Variants in LSAMP observed in about 807,000 individuals in gnomAD.
LSAMP encodes the protein limbic system associated membrane protein.
Under a neutral mutation model 38.6 loss-of-function variants are expected in LSAMP, and 7 were observed. That is an observed-to-expected ratio of 0.18 (90% confidence interval 0.10 to 0.34). The LOEUF (loss-of-function observed/expected upper bound fraction) is 0.34, where lower values mean the gene tolerates loss of function less well. Among genes scored for constraint, LSAMP ranks in the 10% least tolerant of loss-of-function variants. The probability of loss-of-function intolerance (pLI) is 1.00; values close to 1 mark genes in which losing one functional copy is unlikely to be tolerated. For synonymous variants in LSAMP, 154 were observed against 166.8 expected (o/e 0.92, Z 0.59); for missense variants, 313 against 420.0 (o/e 0.75, Z 2.23).
At chr3:116,148,985 G>A (rs1049954734) in intron 1 of LSAMP, among the ~76,000 whole-genome samples, 2 of 152,028 alleles carry the variant, frequency 1.3e-5, no homozygotes, top group African/African-American at 4.8e-5. Context: ...CTGGGGCACA[G>A]CCACAGAGCA....
chr3:116,280,727 T>C (rs893194308), intron 1 of LSAMP, among the ~76,000 whole-genome samples: 1 of 152,216 alleles, frequency 6.6e-6, no homozygotes, highest in Non-Finnish European at 1.5e-5. Flanking sequence ...GGCTTCTCCT[T>C]CTTTCCAACA....
At chr3:116,086,160 T>C (rs1242281330) in intron 2 of LSAMP, among the ~76,000 whole-genome samples, 164 bp downstream of exon 2, 1 of 152,200 alleles carries the variant, frequency 6.6e-6, no homozygotes, top group Non-Finnish European at 1.5e-5. Context: ...TTGTTTTGGG[T>C]CCTCTCATTT....
At chr3:116,415,958 A>C (rs1291474659) in intron 1 of LSAMP, among the ~76,000 whole-genome samples, 2 of 152,184 alleles carry the variant, frequency 1.3e-5, no homozygotes, top group Non-Finnish European at 2.9e-5. Context: ...TGTTTATTCC[A>C]ACTCAAACAT....
intron 4 of LSAMP, among the ~76,000 whole-genome samples, 189 bp from the exon 5 acceptor site, chr3:115,842,767 G>A (rs1429941752): frequency 2.0e-5 from 3 of 152,168 alleles, no homozygotes; most frequent in African/African-American, 7.2e-5. Context: ...AAAAATAAGA[G>A]ATAATTAATG....
At chr3:115,932,106 A>C (rs1157648220) in intron 3 of LSAMP, among the ~76,000 whole-genome samples, 1 of 152,260 alleles carries the variant, frequency 6.6e-6, no homozygotes, top group Non-Finnish European at 1.5e-5. Flanking sequence ...GGAGTACAAA[A>C]AAATGCTTTG....
chr3:116,256,232 G>T (rs1050459694), intron 1 of LSAMP, among the ~76,000 whole-genome samples: 1 of 152,148 alleles, frequency 6.6e-6, no homozygotes, highest in African/African-American at 2.4e-5. Flanking sequence ...TTCCTGACAC[G>T]TTATAAAACA....
chr3:116,028,592 G>A (rs554317660), intron 2 of LSAMP, among the ~76,000 whole-genome samples: 1 of 152,156 alleles, frequency 6.6e-6, no homozygotes, highest in South Asian at 2.1e-4. Flanking sequence ...TTGACATTAG[G>A]GTCAAATAAG....
chr3:116,350,955 A>G (rs1331018303), intron 1 of LSAMP, among the ~76,000 whole-genome samples: 2 of 152,052 alleles, frequency 1.3e-5, no homozygotes, highest in African/African-American at 2.4e-5. Flanking sequence ...GGTATCATCC[A>G]TGGTTTCAGG....
At chr3:115,918,654 T>A (rs1334724730) in intron 3 of LSAMP, among the ~76,000 whole-genome samples, 2 of 151,222 alleles carry the variant, frequency 1.3e-5, no homozygotes, top group Non-Finnish European at 2.9e-5. Context: ...TTGCTCAGAG[T>A]AAATCCCTCG....
chr3:116,083,206 A>T (rs1311694984), intron 2 of LSAMP, among the ~76,000 whole-genome samples: 1 of 152,142 alleles, frequency 6.6e-6, no homozygotes, highest in Non-Finnish European at 1.5e-5. Context: ...ACCTTAGGAC[A>T]GGAGTGAGTT....
chr3:116,265,295 C>T (rs913818309), intron 1 of LSAMP, among the ~76,000 whole-genome samples: 4 of 152,134 alleles, frequency 2.6e-5, no homozygotes, highest in African/African-American at 9.7e-5. Context: ...TAATTGGGAG[C>T]TTGGCGCTTG....
intron 1 of LSAMP, among the ~76,000 whole-genome samples, chr3:116,265,769 G>T (rs1289067404): frequency 2.6e-5 from 4 of 152,094 alleles, no homozygotes; most frequent in African/African-American, 4.8e-5. Context: ...GAAATATCAA[G>T]ATCCCATTAG....
At chr3:116,048,494 G>T (rs1483087594) in intron 2 of LSAMP, among the ~76,000 whole-genome samples, 2 of 152,176 alleles carry the variant, frequency 1.3e-5, no homozygotes, top group Admixed American at 1.3e-4. Context: ...GTGTGACTTA[G>T]CTATGGACTA....
At chr3:116,124,968 G>A (rs1431501233) in intron 1 of LSAMP, among the ~76,000 whole-genome samples, 1 of 152,158 alleles carries the variant, frequency 6.6e-6, no homozygotes, top group East Asian at 1.9e-4. Flanking sequence ...GTGTTTGGAA[G>A]AATGTCGAGA....
At chr3:115,847,747 T>C (rs1003180294) in intron 4 of LSAMP, among the ~76,000 whole-genome samples, 8 of 152,212 alleles carry the variant, frequency 5.3e-5, no homozygotes, top group Non-Finnish European at 1.5e-5. Flanking sequence ...CTTTCTACCA[T>C]GATTGTAAGT....
intron 1 of LSAMP, among the ~76,000 whole-genome samples, chr3:116,395,144 C>T (rs950520602): frequency 6.6e-6 from 1 of 152,142 alleles, no homozygotes; most frequent in African/African-American, 2.4e-5. Flanking sequence ...GTGACCTGTA[C>T]ATTCATTTCT....
At chr3:116,276,878 C>A (rs1310410716) in intron 1 of LSAMP, among the ~76,000 whole-genome samples, 1 of 152,080 alleles carries the variant, frequency 6.6e-6, no homozygotes, top group Admixed American at 6.6e-5. Context: ...ACTGAATGGA[C>A]CAATTAACAA....
chr3:116,106,320 T>C (rs1333029903), intron 1 of LSAMP, among the ~76,000 whole-genome samples: 3 of 152,124 alleles, frequency 2.0e-5, no homozygotes, highest in South Asian at 2.1e-4. Flanking sequence ...TAGTTGAGAA[T>C]GGTGAATAGG....
rs78789452 is a variant in LSAMP at position 115,808,175 on chromosome 3, GCCTTCCTTCCTT to G, written c.*2130_*2141del. On this transcript the variant is annotated 3_prime_UTR_variant, in exon 7 of 7. Transcript: ENST00000490035. ...CCCCCTTCCCCGTCCCCCCCTCCCT[GCCTTCCTTCCTT>G]CCTTCCTTCCTTCTTTCCTTTCTTT... 1.2e-5 allele frequency: 1 copy of G among 80,136 alleles called. No homozygotes were observed. The highest frequency in any genetic ancestry group is 1.8e-4 in the Admixed American group (1 of 5,538). 5.0% of individuals were successfully genotyped at this position (80,136 alleles called of 1,614,324 possible).
Sources: gnomAD v4.1 joint callset for allele counts (sites outside exome capture counted in the v4.1 genomes callset) on GRCh38, gnomAD v4.1.1 for gene constraint, MANE v1.5 for transcripts, NCBI Gene and HGNC (gene_info 2026-07-23, HGNC 2026-07-21) for gene names.